Variants in ERMARD observed in about 807,000 individuals in gnomAD.
ERMARD encodes the protein ER membrane associated RNA degradation.
A neutral mutation model predicts 83.9 loss-of-function variants in ERMARD; 71 were observed. The ratio of observed to expected loss-of-function variants is 0.85; its 90% CI spans 0.70 to 1.03. The LOEUF (loss-of-function observed/expected upper bound fraction) is 1.03, where lower values mean the gene tolerates loss of function less well. ERMARD is among the 50% of genes least tolerant of loss of function. The pLI is 0.00. For synonymous variants in ERMARD, 284 were observed against 298.6 expected (o/e 0.95, Z 0.50); for missense variants, 838 against 810.9 (o/e 1.03, Z -0.41).
chr6:169,755,544 A>G, intron 3 of ERMARD, 122 bp downstream of exon 3: 1 of 1,279,086 alleles, frequency 7.8e-7, no homozygotes, highest in Non-Finnish European at 1.1e-6. Flanking sequence ...TGAAGTGTTG[A>G]GGGTTGTAAG....
intron 12 of ERMARD, chr6:169,770,688 T>C (rs1410216293): frequency 1.3e-5 from 2 of 151,730 alleles, no homozygotes; most frequent in Admixed American, 6.6e-5. Context: ...GGTGCAGTCA[T>C]GGCTCATGGC....
At chr6:169,769,262 T>C (rs1434448998) in intron 11 of ERMARD, among the ~76,000 whole-genome samples, 1 of 152,168 alleles carries the variant, frequency 6.6e-6, no homozygotes, top group Non-Finnish European at 1.5e-5. Flanking sequence ...CATTTGCAAA[T>C]GTTCACACTC....
chr6:169,769,880 C>G (rs1792687214), intron 12 of ERMARD, among the ~76,000 whole-genome samples, 167 bp downstream of exon 12: 1 of 152,178 alleles, frequency 6.6e-6, no homozygotes, highest in African/African-American at 2.4e-5. Context: ...TTTATATTCT[C>G]TATCACAGAT....
chr6:169,779,191 A>C lies in ERMARD; in HGVS notation c.1749A>C (p.Leu583=), dbSNP rs758832628. The C allele has an allele frequency of 6.2e-7, 1 of 1,613,674 alleles. No homozygotes were observed. The highest frequency in any genetic ancestry group is 8.5e-7 in the Non-Finnish European group (1 of 1,179,520). ...TTTTATCTGTTTTTAGTATCAGACT[A>C]CTGTCCCCTGTGCTCAGCCTGATAC... is the stretch of plus-strand genomic sequence containing the variant. ...NYLRMWSSIR[L]LSPVLSLILL... The change falls in exon 17 of 18, where the codon CTA becomes CTC. Residue 583 remains leucine, a synonymous_variant. Transcript: ENST00000366773.
intron 1 of ERMARD, among the ~76,000 whole-genome samples, chr6:169,752,687 C>A (rs191478909): frequency 2.0e-5 from 3 of 152,168 alleles, no homozygotes; most frequent in Non-Finnish European, 2.9e-5. Context: ...CACAGCCCCC[C>A]CTTAACTCAA....
At chr6:169,752,832 G>A (rs2128339474) in intron 1 of ERMARD, among the ~76,000 whole-genome samples, 1 of 152,306 alleles carries the variant, frequency 6.6e-6, no homozygotes, top group South Asian at 2.1e-4. Context: ...TGGAAAACCA[G>A]TACGGTTTGC....
chr6:169,766,637 G>C lies in ERMARD; in HGVS notation c.961-1G>C. On this transcript the variant is annotated splice_acceptor_variant, in intron 9 of 17. Coordinates refer to ENST00000366773, the MANE Select transcript of ERMARD (RefSeq NM_018341.3). LOFTEE classifies it high-confidence loss of function. ...ATTTTCATTTCTTTCCTTTTCTGAA[G>C]TCAACAGCTCTTTATACCACCTTTG... The C allele has an allele frequency of 6.3e-7, 1 of 1,577,580 alleles. No individual in the cohort carries two copies. Among genetic ancestry groups the C allele is most frequent in the Non-Finnish European group, 8.6e-7 (1 of 1,169,378 alleles).
At position 169,760,731 on chromosome 6, in the gene ERMARD, G is replaced by A. The variant is rs1791444303; in HGVS notation, c.832G>A (p.Ala278Thr). The A allele has an allele frequency of 6.2e-7, 1 of 1,613,892 alleles. No individual in the cohort carries two copies. Among genetic ancestry groups the A allele is most frequent in the East Asian group, 2.2e-5 (1 of 44,882 alleles). The change falls in exon 8 of 18, where the codon GCA (alanine) becomes ACA (threonine). Residue 278 changes from alanine to threonine, a missense_variant. Transcript: ENST00000366773. ...LKIMLPYWEV[A>T]LVKFKSHRFA... Reference sequence around the variant, plus strand: ...AATCATGTTACCATATTGGGAAGTTGCACTGGTCAAGTTCAAGTCACACAG... The same window carrying A: ...AATCATGTTACCATATTGGGAAGTTACACTGGTCAAGTTCAAGTCACACAG...
intron 9 of ERMARD, 37 bp downstream of exon 9, chr6:169,762,568 G>T (rs780009933): frequency 6.5e-7 from 1 of 1,538,988 alleles, no homozygotes; most frequent in African/African-American, 1.4e-5. Context: ...GATCATTGTT[G>T]CTGTATTAAC....
intron 13 of ERMARD, among the ~76,000 whole-genome samples, chr6:169,773,813 T>G (rs1336806425): frequency 6.6e-6 from 1 of 152,210 alleles, no homozygotes; most frequent in Non-Finnish European, 1.5e-5. Flanking sequence ...AAACAATTTT[T>G]TAAGTGTTTC....
chr6:169,759,515 G>C (rs368073780), intron 6 of ERMARD, among the ~76,000 whole-genome samples: 1 of 152,132 alleles, frequency 6.6e-6, no homozygotes. Flanking sequence ...CTCCTCCCAG[G>C]CTTAAGTGAT....
intron 9 of ERMARD, among the ~76,000 whole-genome samples, chr6:169,763,319 G>A (rs187094663): frequency 1.1e-3 from 164 of 152,180 alleles, no homozygotes; most frequent in African/African-American, 2.7e-3. Flanking sequence ...CCTCTGTGTC[G>A]TCTTCCAGTG....
chr6:169,760,489 G>A (rs1455595253), intron 7 of ERMARD, among the ~76,000 whole-genome samples, 153 bp from the exon 8 acceptor site: 1 of 152,088 alleles, frequency 6.6e-6, no homozygotes, highest in African/African-American at 2.4e-5. Context: ...CCCTTGGTCA[G>A]GGCAATCCTA....
intron 8 of ERMARD, 67 bp from the exon 9 acceptor site, chr6:169,762,362 A>T: frequency 6.9e-7 from 1 of 1,445,768 alleles, no homozygotes; most frequent in Non-Finnish European, 9.7e-7. Flanking sequence ...GGCATGAGCC[A>T]CTGCACCTGG....
chr6:169,769,769 A>G (rs1792675372), intron 12 of ERMARD, 56 bp downstream of exon 12: 1 of 1,449,940 alleles, frequency 6.9e-7, no homozygotes. Flanking sequence ...CTATGAAAAT[A>G]TAGTTTATTT....
intron 9 of ERMARD, 65 bp downstream of exon 9, chr6:169,762,596 TAA>T: frequency 7.4e-7 from 1 of 1,344,010 alleles, no homozygotes; most frequent in East Asian, 2.3e-5. Flanking sequence ...TGTTACCAAT[TAA>T]AAGTTTTTAA....
intron 10 of ERMARD, 73 bp downstream of exon 10, chr6:169,766,740 G>A: frequency 1.4e-6 from 2 of 1,429,842 alleles, no homozygotes; most frequent in South Asian, 1.5e-5. Flanking sequence ...AAATTAAAAT[G>A]CAAAATTAAA....
intron 15 of ERMARD, 54 bp downstream of exon 15, chr6:169,776,119 A>C: frequency 6.3e-7 from 1 of 1,598,176 alleles, no homozygotes; most frequent in Non-Finnish European, 8.5e-7. Flanking sequence ...GCAGATTAGC[A>C]TAGCAAACTT....
intron 7 of ERMARD, among the ~76,000 whole-genome samples, chr6:169,760,301 T>C (rs1791379755): frequency 6.6e-6 from 1 of 152,222 alleles, no homozygotes; most frequent in Non-Finnish European, 1.5e-5. Context: ...CTTGTGTCTT[T>C]GTACTCATGA....
Sources: allele counts gnomAD v4.1 joint callset (sites outside exome capture counted in the v4.1 genomes callset), GRCh38; gene constraint gnomAD v4.1.1; transcripts MANE v1.5; gene names NCBI Gene and HGNC (gene_info 2026-07-23, HGNC 2026-07-21).